PLEKHM3: variants seen among roughly 807,000 people sequenced by gnomAD.
PLEKHM3 encodes pleckstrin homology domain-containing family M member 3.
In PLEKHM3, 45 loss-of-function variants were observed where a neutral mutation model predicts 81.8. That is an observed-to-expected ratio of 0.55 (90% CI 0.43 to 0.71). PLEKHM3 has a LOEUF of 0.71. Ranked by LOEUF, PLEKHM3 falls within the 30% of genes least tolerant of loss-of-function variation. PLEKHM3 has a pLI of 0.00. For missense variants in PLEKHM3, 788 were observed against 924.3 expected, an observed-to-expected ratio of 0.85 and a Z score of 1.91; for synonymous variants, 352 against 356.4, an observed-to-expected ratio of 0.99 and a Z score of 0.14.
At chr2:207,973,928 G>A (rs578071801) in intron 3 of PLEKHM3, among the ~76,000 whole-genome samples, 37 of 151,966 alleles carry the variant, frequency 2.4e-4, no homozygotes, top group African/African-American at 6.3e-4. Context: ...AAATAAGACT[G>A]ACTTCTCCCT....
chr2:207,882,395 T>C (rs889565202), intron 6 of PLEKHM3, among the ~76,000 whole-genome samples: 5 of 152,086 alleles, frequency 3.3e-5, no homozygotes, highest in African/African-American at 1.2e-4. Context: ...GTGGATCACC[T>C]GAGGTCAGGA....
At chr2:207,891,663 C>T (rs1473999117) in intron 6 of PLEKHM3, among the ~76,000 whole-genome samples, 1 of 152,216 alleles carries the variant, frequency 6.6e-6, no homozygotes, top group Non-Finnish European at 1.5e-5. Flanking sequence ...AAGAGGTTTT[C>T]AGTTCACAAA....
rs562511755 is a variant in PLEKHM3 at position 207,971,588 on chromosome 2, C to T, written c.1546+5063G>A. ...CTAAAAAAAAAAAAAGAGCTATTGC[C>T]TTAATCTAATTTATATGGCATTTTG... On this transcript the variant is annotated intron_variant, in intron 3 of 7. Coordinates refer to ENST00000427836, the MANE Select transcript of PLEKHM3 (RefSeq NM_001080475.3). Among the ~76,000 whole-genome samples, 290 of 151,640 alleles carry T rather than the reference C, an allele frequency of 1.9e-3. 1 individual carries two copies. The highest frequency in any genetic ancestry group is 3.5e-3 in the Non-Finnish European group (241 of 67,936).
intron 3 of PLEKHM3, among the ~76,000 whole-genome samples, chr2:207,967,079 G>A (rs1306826900): frequency 6.6e-5 from 10 of 152,118 alleles, no homozygotes; most frequent in Admixed American, 6.5e-4. Flanking sequence ...GAACTCCTGG[G>A]CTCAAATAAT....
At chr2:207,897,234 G>A (rs1468106600) in intron 6 of PLEKHM3, among the ~76,000 whole-genome samples, 2 of 152,116 alleles carry the variant, frequency 1.3e-5, no homozygotes, top group Non-Finnish European at 1.5e-5. Flanking sequence ...ATTCCCCTAC[G>A]GAACATGAGG....
chr2:207,860,900 T>G (rs930802774), intron 7 of PLEKHM3, among the ~76,000 whole-genome samples: 11 of 152,180 alleles, frequency 7.2e-5, no homozygotes, highest in Non-Finnish European at 1.5e-4. Context: ...CTCTGTTATC[T>G]CATTCTGGAT....
At chr2:207,936,697 A>G (rs1210131911) in intron 4 of PLEKHM3, among the ~76,000 whole-genome samples, 2 of 152,194 alleles carry the variant, frequency 1.3e-5, no homozygotes, top group East Asian at 3.8e-4. Context: ...GCCTATATCT[A>G]GGAAGTTATC....
Position 208,001,799 on chromosome 2 carries a change from G to T in PLEKHM3, c.-160C>A. 8.3e-7 allele frequency: 1 copy of T among 1,205,540 alleles called. No homozygotes were observed. Among genetic ancestry groups the T allele is most frequent in the Non-Finnish European group, 1.1e-6 (1 of 879,688 alleles). 74.7% of individuals were successfully genotyped at this position (1,205,540 alleles called of 1,614,324 possible). A position where few individuals can be genotyped will look rare whatever the true frequency, so the allele number is the denominator to read the frequency against. On this transcript the variant is annotated 5_prime_UTR_variant, in exon 2 of 8. It introduces an in-frame stop codon into an upstream open reading frame of the 5' UTR. Transcript: ENST00000427836. ...GGAGCAGGCCAAACCCAAAGTGGTT[G>T]ATGTTTTCCTGGTAATTAAAAGCAT...
rs763846737 is a variant in PLEKHM3 at position 207,991,883 on chromosome 2, G to A, written c.610+9147C>T. The stretch of plus-strand genomic sequence containing the variant: ...TGAAGTGTTTATTGCATAAGTCCTC[G>A]ACATTCACTAAGTGCTCAATAGTTA... On this transcript the variant is annotated intron_variant, in intron 2 of 7. Coordinates refer to ENST00000427836, the MANE Select transcript of PLEKHM3 (RefSeq NM_001080475.3). Among the ~76,000 whole-genome samples the A allele has an allele frequency of 1.4e-4, 21 of 152,230 alleles. 1 individual carries two copies. The highest frequency in any genetic ancestry group is 2.1e-4 in the Non-Finnish European group (14 of 68,016).
intron 6 of PLEKHM3, among the ~76,000 whole-genome samples, chr2:207,903,783 G>A (rs1688518540): frequency 6.6e-6 from 1 of 152,206 alleles, no homozygotes; most frequent in Non-Finnish European, 1.5e-5. Flanking sequence ...AAGGGGATGT[G>A]AGTAAGGAGA....
At chr2:207,933,230 C>A (rs73983646) in intron 4 of PLEKHM3, among the ~76,000 whole-genome samples, 7,623 of 152,160 alleles carry the variant, frequency 0.05, 637 homozygotes, top group African/African-American at 0.17. Context: ...TTTGAGGCAT[C>A]TATTAATAGA....
intron 2 of PLEKHM3, among the ~76,000 whole-genome samples, chr2:207,990,960 T>A (rs1691880626): frequency 6.6e-6 from 1 of 152,172 alleles, no homozygotes. Context: ...GATATACCAG[T>A]TTAGGGATCT....
chr2:208,016,837 T>C (rs1463590233), intron 1 of PLEKHM3, among the ~76,000 whole-genome samples: 2 of 152,114 alleles, frequency 1.3e-5, no homozygotes, highest in Admixed American at 1.3e-4. Flanking sequence ...ATGAGAAGTG[T>C]GATTTTTGAC....
intron 4 of PLEKHM3, among the ~76,000 whole-genome samples, chr2:207,941,518 C>A (rs962851044): frequency 6.6e-6 from 1 of 152,024 alleles, no homozygotes; most frequent in Non-Finnish European, 1.5e-5. Flanking sequence ...AATAAAATGA[C>A]CAGAAGGAAG....
intron 6 of PLEKHM3, among the ~76,000 whole-genome samples, chr2:207,902,296 A>G (rs1259366718): frequency 6.6e-6 from 1 of 152,210 alleles, no homozygotes; most frequent in Non-Finnish European, 1.5e-5. Context: ...GTTCTCTGAT[A>G]ATGGGTTTGT....
chr2:208,024,827 A>G (rs1351942837), intron 1 of PLEKHM3, among the ~76,000 whole-genome samples: 1 of 152,262 alleles, frequency 6.6e-6, no homozygotes. Context: ...CATCCAGACC[A>G]GTCTCAATTT....
At chr2:208,005,947 T>C (rs995579632) in intron 1 of PLEKHM3, among the ~76,000 whole-genome samples, 1 of 152,176 alleles carries the variant, frequency 6.6e-6, no homozygotes, top group East Asian at 1.9e-4. Flanking sequence ...TACTCCTCCA[T>C]GCTTTTGTCC....
chr2:208,017,652 G>A (rs6756930), intron 1 of PLEKHM3, among the ~76,000 whole-genome samples: 1 of 152,060 alleles, frequency 6.6e-6, no homozygotes, highest in Non-Finnish European at 1.5e-5. Flanking sequence ...TAAGTTTCTT[G>A]AAGAAACTTG....
In PLEKHM3 at chr2:207,977,102, T is replaced by C; in HGVS notation, c.1095A>G (p.Ser365=). The C allele has an allele frequency of 6.2e-7, 1 of 1,614,188 alleles. No individual in the cohort carries two copies. Among genetic ancestry groups the C allele is most frequent in the Non-Finnish European group, 8.5e-7 (1 of 1,180,006 alleles). The change falls in exon 3 of 8, where the codon TCA becomes TCG. Residue 365 remains serine, a synonymous_variant. Transcript: ENST00000427836. ...SSKQYQNILK[S]GTLYRLTVQN... ...GGACAGTCAGCCTGTAGAGAGTCCCTGATTTGAGGATGTTTTGGTACTGTT... is the reference window on the plus strand; with the variant it reads ...GGACAGTCAGCCTGTAGAGAGTCCCCGATTTGAGGATGTTTTGGTACTGTT...
Sources: gnomAD v4.1 joint callset for allele counts (sites outside exome capture counted in the v4.1 genomes callset) on GRCh38, gnomAD v4.1.1 for gene constraint, MANE v1.5 for transcripts, NCBI Gene and HGNC (gene_info 2026-07-23, HGNC 2026-07-21) for gene names.